SLX4IP: variants seen among roughly 807,000 people sequenced by gnomAD.
The protein encoded by SLX4IP is protein SLX4IP.
Under a neutral mutation model 32.9 loss-of-function variants are expected in SLX4IP, and 34 were observed. That is an observed-to-expected ratio of 1.03 (90% CI 0.79 to 1.38). The LOEUF (loss-of-function observed/expected upper bound fraction) is 1.38, where lower values mean the gene tolerates loss of function less well. SLX4IP is among the 40% of genes most tolerant of loss of function. The pLI, the probability that SLX4IP is intolerant of heterozygous loss-of-function variation, is 0.00. For synonymous variants in SLX4IP, 172 were observed against 171.7 expected (o/e 1.00, Z -0.01); for missense variants, 444 against 479.0 (o/e 0.93, Z 0.68).
intron 1 of SLX4IP, among the ~76,000 whole-genome samples, chr20:10,448,652 T>TC (rs1251389796): frequency 2.6e-5 from 4 of 152,302 alleles, no homozygotes; most frequent in Admixed American, 2.6e-4. Flanking sequence ...ACTCAGGCAC[T>TC]CTGACAGCTC....
intron 2 of SLX4IP, among the ~76,000 whole-genome samples, chr20:10,485,618 CA>C (rs35879869): frequency 0.42 from 57,030 of 137,004 alleles, 10,983 homozygotes; most frequent in Non-Finnish European, 0.45. Flanking sequence ...GAGACTCTGT[CA>C]AAAAAAAAAA....
chr20:10,469,414 TTAA>T lies in SLX4IP; in HGVS notation c.27+11188_27+11190del, dbSNP rs2065405695. Among the ~76,000 whole-genome samples the T allele has an allele frequency of 3.9e-5, 6 of 152,304 alleles. No homozygotes were observed. In the South Asian group the frequency reaches 1.2e-3, roughly 32 times the overall value. ...ATAATTCTTTTGAAAATAATCTCTATTAATAATCAAGATGACAATCCATAGAAT... is the reference window on the plus strand; with the variant it reads ...ATAATTCTTTTGAAAATAATCTCTATTAATCAAGATGACAATCCATAGAAT... On this transcript the variant is annotated intron_variant, in intron 2 of 7. Transcript: ENST00000334534.
At chr20:10,549,220 C>G (rs1290272246) in intron 2 of SLX4IP, among the ~76,000 whole-genome samples, 3 of 152,192 alleles carry the variant, frequency 2.0e-5, no homozygotes, top group Non-Finnish European at 4.4e-5. Context: ...GCATTCTTTT[C>G]TTTCCCCTCT....
chr20:10,532,307 C>T (rs111641188), intron 2 of SLX4IP, among the ~76,000 whole-genome samples: 80 of 152,088 alleles, frequency 5.3e-4, no homozygotes, highest in Admixed American at 2.9e-3. Flanking sequence ...AATCATTCCA[C>T]AGTGTATACA....
At chr20:10,523,623 A>G (rs930062086) in intron 2 of SLX4IP, among the ~76,000 whole-genome samples, 1 of 152,236 alleles carries the variant, frequency 6.6e-6, no homozygotes, top group Non-Finnish European at 1.5e-5. Context: ...CTGCTTATTC[A>G]CACCATCCTC....
At chr20:10,547,597 G>C (rs1311253647) in intron 2 of SLX4IP, among the ~76,000 whole-genome samples, 5 of 152,244 alleles carry the variant, frequency 3.3e-5, no homozygotes, top group Non-Finnish European at 7.3e-5. Flanking sequence ...TGTTCTGCCT[G>C]ATTGACTGGA....
intron 2 of SLX4IP, among the ~76,000 whole-genome samples, chr20:10,504,728 G>A (rs1248094321): frequency 6.6e-6 from 1 of 152,200 alleles, no homozygotes; most frequent in South Asian, 2.1e-4. Flanking sequence ...GGGCCATGGT[G>A]GAGGAAGGCC....
chr20:10,458,189 GT>G lies in SLX4IP; in HGVS notation c.-15del, dbSNP rs770677657. 6.3e-7 allele frequency: 1 copy of G among 1,576,014 alleles called. No individual in the cohort carries two copies. On this transcript the variant is annotated 5_prime_UTR_variant, in exon 2 of 8. Coordinates refer to ENST00000334534, the MANE Select transcript of SLX4IP (RefSeq NM_001009608.3). ...TTTTTCTTAAAGGTCTGTAGTTACT[GT>G]GGAATCAATAAGCCATGGCATCTAA... is the stretch of plus-strand genomic sequence containing the variant.
intron 1 of SLX4IP, among the ~76,000 whole-genome samples, chr20:10,448,499 T>TTATTTATTATATTA (rs2065218825): frequency 6.6e-6 from 1 of 152,250 alleles, no homozygotes; most frequent in Admixed American, 6.5e-5. Flanking sequence ...CATTTTATTA[T>TTATTTATTATATTA]GTAAAACAGA....
intron 6 of SLX4IP, among the ~76,000 whole-genome samples, chr20:10,618,940 T>TGGGGGGG (rs59862780): frequency 4.3e-4 from 18 of 41,768 alleles, no homozygotes; most frequent in Middle Eastern, 0.011. Context: ...GCTTGGGGGT[T>TGGGGGGG]GGGGGGGCGG....
intron 2 of SLX4IP, among the ~76,000 whole-genome samples, chr20:10,474,811 G>A (rs1458306368): frequency 6.6e-6 from 1 of 152,238 alleles, no homozygotes; most frequent in East Asian, 1.9e-4. Context: ...CTGGGATGAT[G>A]CTGCCCTTTG....
At chr20:10,489,620 A>G (rs112985002) in intron 2 of SLX4IP, among the ~76,000 whole-genome samples, 117 of 152,294 alleles carry the variant, frequency 7.7e-4, no homozygotes, top group African/African-American at 2.7e-3. Context: ...GCTCTGTAAA[A>G]ATATTCCCTC....
Position 10,627,200 on chromosome 20 carries a change from C to T in SLX4IP, c.*3821C>T, listed in dbSNP as rs1417490714. On this transcript the variant is annotated 3_prime_UTR_variant, in exon 8 of 8. Coordinates refer to ENST00000334534, the MANE Select transcript of SLX4IP (RefSeq NM_001009608.3). ...AACTCAAAGTTCTCTTTTCAGCGTG[C>T]TGTGACTTGAATATGGAAATCATTT... 2 of 152,210 alleles carry T rather than the reference C, an allele frequency of 1.3e-5. No homozygotes were observed. The highest frequency in any genetic ancestry group is 2.4e-5 in the African/African-American group (1 of 41,460). 9.4% of individuals were successfully genotyped at this position (152,210 alleles called of 1,614,324 possible).
chr20:10,558,404 T>C (rs1458501940), intron 3 of SLX4IP, among the ~76,000 whole-genome samples: 3 of 150,806 alleles, frequency 2.0e-5, no homozygotes, highest in South Asian at 2.1e-4. Context: ...CATTTGTGTG[T>C]GCGTAAGAAA....
intron 6 of SLX4IP, chr20:10,614,246 A>T: frequency 1.6e-6 from 1 of 615,696 alleles, no homozygotes. Flanking sequence ...TAACCATGAG[A>T]AAACAGATCC....
chr20:10,460,507 G>A (rs2065327989), intron 2 of SLX4IP, among the ~76,000 whole-genome samples: 1 of 152,210 alleles, frequency 6.6e-6, no homozygotes, highest in East Asian at 1.9e-4. Flanking sequence ...TGCTGGATCT[G>A]TTAATTGTTG....
intron 2 of SLX4IP, among the ~76,000 whole-genome samples, chr20:10,480,840 G>A (rs1173018922): frequency 3.3e-5 from 5 of 152,154 alleles, no homozygotes; most frequent in Non-Finnish European, 7.3e-5. Flanking sequence ...ATATTTGAAT[G>A]ATGCTTTAGC....
chr20:10,554,252 T>C (rs770350995), intron 2 of SLX4IP, among the ~76,000 whole-genome samples: 1 of 152,232 alleles, frequency 6.6e-6, no homozygotes, highest in South Asian at 2.1e-4. Flanking sequence ...CTCAACCTAA[T>C]GTTTTTGAGA....
chr20:10,564,890 G>A (rs186147068), intron 4 of SLX4IP, among the ~76,000 whole-genome samples: 221 of 152,262 alleles, frequency 1.5e-3, no homozygotes, highest in African/African-American at 5.1e-3. Context: ...GGTATTACCA[G>A]TGTTTTTAAT....
Sources: gnomAD v4.1 joint callset for allele counts (sites outside exome capture counted in the v4.1 genomes callset) on GRCh38, gnomAD v4.1.1 for gene constraint, MANE v1.5 for transcripts, NCBI Gene and HGNC (gene_info 2026-07-23, HGNC 2026-07-21) for gene names.